The following PHACTR1 variants were observed in gnomAD, a reference collection of about 807,000 sequenced individuals.
PHACTR1 encodes RPEL repeat containing 1.
Under a neutral mutation model 69.2 loss-of-function variants are expected in PHACTR1, and 16 were observed. The observed-to-expected ratio is 0.23, with a 90% CI of 0.16 to 0.35. The LOEUF is 0.35. PHACTR1 is among the 10% of genes least tolerant of loss of function. The pLI is 1.00. For missense variants in PHACTR1, 510 were observed against 734.7 expected, an observed-to-expected ratio of 0.69 and a Z score of 3.54; for synonymous variants, 312 against 284.5, an observed-to-expected ratio of 1.10 and a Z score of -0.97.
At chr6:13,112,859 C>T (rs1035627964) in intron 5 of PHACTR1, among the ~76,000 whole-genome samples, 1 of 152,132 alleles carries the variant, frequency 6.6e-6, no homozygotes, top group Admixed American at 6.6e-5. Context: ...TTTTGCTGTG[C>T]AGAAGCTCTT....
intron 4 of PHACTR1, among the ~76,000 whole-genome samples, chr6:12,856,157 G>T (rs1391627044): frequency 6.6e-6 from 1 of 151,922 alleles, no homozygotes; most frequent in East Asian, 1.9e-4. Context: ...GAGTAGAATT[G>T]TTTGGTCCAT....
intron 6 of PHACTR1, among the ~76,000 whole-genome samples, chr6:13,175,916 A>G (rs1761253704): frequency 6.6e-6 from 1 of 152,066 alleles, no homozygotes; most frequent in Non-Finnish European, 1.5e-5. Context: ...AAATCAGCCC[A>G]CCAACTGGGA....
intron 4 of PHACTR1, among the ~76,000 whole-genome samples, chr6:12,885,990 G>C (rs1038886856): frequency 7.2e-5 from 11 of 152,306 alleles, no homozygotes; most frequent in African/African-American, 2.6e-4. Context: ...AGCTACTCGG[G>C]AGGCTGAGGC....
intron 4 of PHACTR1, among the ~76,000 whole-genome samples, chr6:12,844,982 A>G (rs1362748017): frequency 6.6e-6 from 1 of 152,232 alleles, no homozygotes. Context: ...TTAACTGGTT[A>G]CAGAAAGGCC....
At chr6:12,838,295 C>G (rs1344209853) in intron 4 of PHACTR1, among the ~76,000 whole-genome samples, 1 of 152,130 alleles carries the variant, frequency 6.6e-6, no homozygotes, top group Non-Finnish European at 1.5e-5. Context: ...AACCTGGAGC[C>G]TGGTTGTGTC....
intron 10 of PHACTR1, among the ~76,000 whole-genome samples, chr6:13,270,964 CAA>C (rs944139119): frequency 2.0e-5 from 3 of 149,598 alleles, no homozygotes; most frequent in South Asian, 2.1e-4. Flanking sequence ...AAAGCAGGAG[CAA>C]GAGAGAGAGA....
chr6:12,907,282 TAA>T (rs930110452), intron 4 of PHACTR1, among the ~76,000 whole-genome samples: 7 of 152,200 alleles, frequency 4.6e-5, no homozygotes, highest in African/African-American at 1.7e-4. Flanking sequence ...AAAGTAGAAA[TAA>T]GTTAACCAAA....
At chr6:13,086,318 AT>A (rs1812294821) in intron 5 of PHACTR1, among the ~76,000 whole-genome samples, 1 of 152,090 alleles carries the variant, frequency 6.6e-6, no homozygotes, top group Non-Finnish European at 1.5e-5. Context: ...AAAAATCTTT[AT>A]TTTCTTTTAA....
intron 5 of PHACTR1, among the ~76,000 whole-genome samples, chr6:13,066,709 A>T (rs999574936): frequency 1.3e-5 from 2 of 151,968 alleles, no homozygotes; most frequent in Admixed American, 1.3e-4. Flanking sequence ...GGTGGATTGC[A>T]TTGGAGTCAT....
intron 4 of PHACTR1, among the ~76,000 whole-genome samples, chr6:12,790,888 T>G (rs944096378): frequency 6.6e-6 from 1 of 152,118 alleles, no homozygotes; most frequent in African/African-American, 2.4e-5. Context: ...TGGGACAACT[T>G]GGTTGACAGT....
chr6:13,144,283 G>A (rs1020080086), intron 5 of PHACTR1, among the ~76,000 whole-genome samples: 2 of 152,080 alleles, frequency 1.3e-5, no homozygotes, highest in African/African-American at 2.4e-5. Context: ...ATTTGTGAAT[G>A]ACATAATTAT....
chr6:13,039,983 C>T lies in PHACTR1; in HGVS notation c.251-13382C>T, dbSNP rs571548211. On this transcript the variant is annotated intron_variant, in intron 4 of 14. Coordinates refer to ENST00000332995, the MANE Select transcript of PHACTR1 (RefSeq NM_030948.6). ...ATTATTTCACCACACAGGGCAGTTTCTATTATCTTTCATTATATACATGCT... is the reference window on the plus strand; with the variant it reads ...ATTATTTCACCACACAGGGCAGTTTTTATTATCTTTCATTATATACATGCT... Among the ~76,000 whole-genome samples the T allele has an allele frequency of 2.0e-5, 3 of 152,292 alleles. No homozygotes were observed. In the South Asian group the frequency reaches 6.2e-4, roughly 32 times the overall value.
rs1562036925 is a variant in PHACTR1 at position 13,231,083 on chromosome 6, GGAAGAAGGA to G, written c.1391+891_1391+899del. Among the ~76,000 whole-genome samples the G allele has an allele frequency of 7.7e-5, 2 of 25,932 alleles. 1 individual carries two copies. The highest frequency in any genetic ancestry group is 1.4e-4 in the Non-Finnish European group (2 of 14,500). The allele number at this position is 25,932 out of a possible 152,430, so 17.0% of individuals were successfully genotyped here. Reference sequence around the variant, plus strand: ...AGGAAGGAAGGAAGGAAGGAAGGAAGGAAGAAGGAAGGAAGGGAAAAGAAAGAAGGAAAG... The same window carrying G: ...AGGAAGGAAGGAAGGAAGGAAGGAAGAGGAAGGGAAAAGAAAGAAGGAAAG... On this transcript the variant is annotated intron_variant, in intron 10 of 14. Transcript: ENST00000332995.
At chr6:12,951,808 G>A (rs4236091) in intron 4 of PHACTR1, among the ~76,000 whole-genome samples, 77,392 of 152,148 alleles carry the variant, frequency 0.51, 22,893 homozygotes, top group African/African-American at 0.82. Flanking sequence ...AGGCTATGAT[G>A]CTGTTTAAGT....
chr6:13,116,553 G>A (rs1817853120), intron 5 of PHACTR1, among the ~76,000 whole-genome samples: 1 of 152,184 alleles, frequency 6.6e-6, no homozygotes. Context: ...GAGGAAATTG[G>A]TGGGGAGGGG....
At chr6:13,257,904 CCTT>C (rs1775395526) in intron 10 of PHACTR1, among the ~76,000 whole-genome samples, 1 of 152,112 alleles carries the variant, frequency 6.6e-6, no homozygotes, top group South Asian at 2.1e-4. Context: ...CACTCTCAGA[CCTT>C]CTGATTCAGT....
intron 4 of PHACTR1, among the ~76,000 whole-genome samples, chr6:12,973,331 C>T (rs912507920): frequency 6.6e-6 from 1 of 152,094 alleles, no homozygotes; most frequent in African/African-American, 2.4e-5. Context: ...ATCTCCTCCA[C>T]TCGAAATTTT....
chr6:12,818,187 C>T (rs925873032), intron 4 of PHACTR1, among the ~76,000 whole-genome samples: 15 of 152,148 alleles, frequency 9.9e-5, no homozygotes, highest in African/African-American at 3.6e-4. Flanking sequence ...AACAAACCTA[C>T]CCAGAAGTTA....
intron 6 of PHACTR1, among the ~76,000 whole-genome samples, chr6:13,167,911 G>A (rs568185006): frequency 7.2e-4 from 110 of 152,246 alleles, no homozygotes; most frequent in African/African-American, 2.5e-3. Context: ...AAAGGTCATC[G>A]TATTTTAAAA....
Sources: allele counts gnomAD v4.1 joint callset (sites outside exome capture counted in the v4.1 genomes callset), GRCh38; gene constraint gnomAD v4.1.1; transcripts MANE v1.5; gene names NCBI Gene and HGNC (gene_info 2026-07-23, HGNC 2026-07-21).